APBA2: variants seen among roughly 807,000 people sequenced by gnomAD.
The protein encoded by APBA2 is amyloid beta precursor protein binding family A member 2, also known as amyloid-beta A4 precursor protein-binding family A member 2.
In APBA2, 30 loss-of-function variants were observed where a neutral mutation model predicts 75.0. That is an observed-to-expected ratio of 0.40 (90% confidence interval 0.30 to 0.54). The LOEUF is 0.54. APBA2 is among the 20% of genes least tolerant of loss of function. The pLI is 0.49. For synonymous variants in APBA2, 444 were observed against 409.6 expected (o/e 1.08, Z -1.01); for missense variants, 801 against 1,016.1 (o/e 0.79, Z 2.88).
chr15:28,986,656 G>T (rs930310509), intron 2 of APBA2, among the ~76,000 whole-genome samples: 1 of 151,942 alleles, frequency 6.6e-6, no homozygotes, highest in Non-Finnish European at 1.5e-5. Flanking sequence ...TAGTAGAGAC[G>T]GGGTTTCACC....
intron 2 of APBA2, among the ~76,000 whole-genome samples, chr15:28,948,769 G>C (rs189432619): frequency 1.3e-5 from 2 of 152,198 alleles, no homozygotes; most frequent in African/African-American, 2.4e-5. Flanking sequence ...ATCTTTGCTA[G>C]TGCTCACTGC....
intron 2 of APBA2, chr15:28,977,567 A>G (rs923266668): frequency 2.0e-5 from 3 of 152,168 alleles, no homozygotes; most frequent in Non-Finnish European, 2.9e-5. Context: ...GCCCCATGCC[A>G]TCCTGCCAGT....
In APBA2 at chr15:29,053,894, C is replaced by T. The variant is rs755550991; in HGVS notation, c.10C>T (p.Arg4Trp). MAHRKLESVGSGML... is the reference protein window; with the variant it reads MAHWKLESVGSGML... ...TGTGTGAACGACTGCCATGGCCCAC[C>T]GGAAGCTTGAGAGCGTGGGGAGCGG... is the stretch of plus-strand genomic sequence containing the variant. The change falls in exon 4 of 15, where the codon CGG (arginine) becomes TGG (tryptophan). Residue 4 changes from arginine to tryptophan, a missense_variant. Coordinates refer to ENST00000683413, the MANE Select transcript of APBA2 (RefSeq NM_001353788.2). 64 of 1,610,818 alleles carry T rather than the reference C, an allele frequency of 4.0e-5. No individual in the cohort carries two copies. Among genetic ancestry groups the T allele is most frequent in the African/African-American group, 9.4e-5 (7 of 74,792 alleles).
At chr15:29,058,829 T>A (rs1488953550) in intron 4 of APBA2, among the ~76,000 whole-genome samples, 1 of 152,242 alleles carries the variant, frequency 6.6e-6, no homozygotes, top group Non-Finnish European at 1.5e-5. Flanking sequence ...ATTTGGAAAA[T>A]ACAGGCAAAA....
At chr15:28,942,402 T>C (rs2035282704) in intron 2 of APBA2, among the ~76,000 whole-genome samples, 1 of 151,998 alleles carries the variant, frequency 6.6e-6, no homozygotes, top group Admixed American at 6.5e-5. Flanking sequence ...GTGACTTCAT[T>C]CCATGTTCTT....
intron 6 of APBA2, among the ~76,000 whole-genome samples, chr15:29,080,013 G>GCAGT (rs2043019438): frequency 6.6e-6 from 1 of 152,058 alleles, no homozygotes; most frequent in Non-Finnish European, 1.5e-5. Flanking sequence ...TCACTTGTGT[G>GCAGT]CAGTCCCATG....
chr15:29,006,380 C>T (rs2087535), intron 3 of APBA2, among the ~76,000 whole-genome samples: 35,636 of 152,038 alleles, frequency 0.23, 8,195 homozygotes, highest in African/African-American at 0.59. Context: ...AGAAAACTAC[C>T]GAACATTGCT....
intron 2 of APBA2, among the ~76,000 whole-genome samples, chr15:28,967,114 G>A (rs557617974): frequency 6.6e-6 from 1 of 152,252 alleles, no homozygotes; most frequent in South Asian, 2.1e-4. Context: ...TGGTCTGCTA[G>A]TAATAAATTC....
At chr15:29,031,855 T>C (rs539529218) in intron 3 of APBA2, among the ~76,000 whole-genome samples, 1 of 152,318 alleles carries the variant, frequency 6.6e-6, no homozygotes, top group Non-Finnish European at 1.5e-5. Flanking sequence ...AAGTCCCCAC[T>C]CAACCCAGGA....
chr15:29,087,160 G>T (rs958216581), intron 6 of APBA2, among the ~76,000 whole-genome samples: 6 of 152,194 alleles, frequency 3.9e-5, no homozygotes, highest in Non-Finnish European at 7.3e-5. Context: ...GATGTCTCCT[G>T]TTCAGGAGTG....
chr15:28,955,286 A>G (rs1471918162), intron 2 of APBA2, among the ~76,000 whole-genome samples: 1 of 152,028 alleles, frequency 6.6e-6, no homozygotes, highest in Non-Finnish European at 1.5e-5. Context: ...TCACTTGGCG[A>G]TCTGCCTGTG....
At chr15:28,968,041 A>G (rs2036835677) in intron 2 of APBA2, among the ~76,000 whole-genome samples, 1 of 152,220 alleles carries the variant, frequency 6.6e-6, no homozygotes, top group Non-Finnish European at 1.5e-5. Flanking sequence ...GTGGAATCCT[A>G]CAATATTTTT....
At chr15:29,003,953 G>A (rs1017408315) in intron 3 of APBA2, among the ~76,000 whole-genome samples, 2 of 152,198 alleles carry the variant, frequency 1.3e-5, no homozygotes, top group African/African-American at 2.4e-5. Context: ...GCCTAGCCAA[G>A]TCAGTACCTC....
intron 12 of APBA2, among the ~76,000 whole-genome samples, chr15:29,107,660 G>A (rs1323899206): frequency 1.3e-5 from 2 of 152,146 alleles, no homozygotes; most frequent in Non-Finnish European, 2.9e-5. Context: ...GCACCAGAGG[G>A]CTCAGCAGTT....
intron 1 of APBA2, among the ~76,000 whole-genome samples, chr15:28,892,667 G>C (rs573991979): frequency 1.3e-5 from 2 of 151,900 alleles, no homozygotes; most frequent in Non-Finnish European, 1.5e-5. Context: ...GTATGTGTAC[G>C]TATATATGTG....
intron 1 of APBA2, among the ~76,000 whole-genome samples, chr15:28,886,557 C>CG (rs199596682): frequency 6.6e-6 from 1 of 151,196 alleles, no homozygotes; most frequent in African/African-American, 2.4e-5. Context: ...GCATCCCGCG[C>CG]GGGGGGCACC....
intron 2 of APBA2, among the ~76,000 whole-genome samples, chr15:28,973,747 A>C (rs564181822): frequency 7.2e-5 from 11 of 152,244 alleles, no homozygotes; most frequent in Admixed American, 2.0e-4. Context: ...TAATGAATAA[A>C]AATAATAGTT....
chr15:28,893,365 A>T lies in APBA2; in HGVS notation c.-205+7087A>T, dbSNP rs573952706. On this transcript the variant is annotated intron_variant, in intron 1 of 14. Coordinates refer to ENST00000683413, the MANE Select transcript of APBA2 (RefSeq NM_001353788.2). ...GCCTGCTGGGTTTCAGACACCTGGC[A>T]CTACCTCCAGCCTCTTACTGATTCT... is the stretch of plus-strand genomic sequence containing the variant. 4.6e-5 allele frequency among the ~76,000 whole-genome samples: 7 copies of T among 152,326 alleles called. No homozygotes were observed. In the East Asian group the frequency reaches 1.3e-3, roughly 29 times the overall value.
intron 7 of APBA2, among the ~76,000 whole-genome samples, chr15:29,093,991 C>T (rs1172480937): frequency 6.6e-6 from 1 of 152,254 alleles, no homozygotes; most frequent in East Asian, 1.9e-4. Flanking sequence ...TTGCCTTGCT[C>T]CGCTGCCTGG....
Sources: gnomAD v4.1 joint callset for allele counts (sites outside exome capture counted in the v4.1 genomes callset) on GRCh38, gnomAD v4.1.1 for gene constraint, MANE v1.5 for transcripts, NCBI Gene and HGNC (gene_info 2026-07-23, HGNC 2026-07-21) for gene names.